The following VIPR2 variants were observed in gnomAD, a reference collection of about 807,000 sequenced individuals.
VIPR2 encodes the protein vasoactive intestinal polypeptide receptor 2.
VIPR2 carries 48 observed loss-of-function variants against 58.0 expected under a neutral mutation model. That is an observed-to-expected ratio of 0.83 (90% CI 0.66 to 1.05). The LOEUF (loss-of-function observed/expected upper bound fraction) is 1.05, where lower values mean the gene tolerates loss of function less well. VIPR2 is among the 50% of genes least tolerant of loss of function. The pLI, the probability that VIPR2 is intolerant of heterozygous loss-of-function variation, is 0.00. For missense variants in VIPR2, 534 were observed against 558.0 expected (o/e 0.96, Z 0.43); for synonymous variants, 243 against 235.2 (o/e 1.03, Z -0.30).
intron 2 of VIPR2, among the ~76,000 whole-genome samples, chr7:159,136,457 A>G (rs140468009): frequency 0.042 from 6,326 of 152,244 alleles, 469 homozygotes; most frequent in African/African-American, 0.14. Context: ...AAAACATGTG[A>G]GAGTCGAAGC....
chr7:159,134,981 T>C (rs1797142396), intron 2 of VIPR2, among the ~76,000 whole-genome samples: 1 of 150,332 alleles, frequency 6.7e-6, no homozygotes. Flanking sequence ...TTCTTGAATA[T>C]TGGTCTTCTC....
At chr7:159,135,907 G>C (rs1394914616) in intron 2 of VIPR2, among the ~76,000 whole-genome samples, 2 of 152,098 alleles carry the variant, frequency 1.3e-5, no homozygotes, top group African/African-American at 4.8e-5. Context: ...CCCACGACAC[G>C]AGGCAACCCT....
intron 5 of VIPR2, among the ~76,000 whole-genome samples, chr7:159,055,962 T>G (rs1161420630): frequency 6.6e-6 from 1 of 152,126 alleles, no homozygotes; most frequent in African/African-American, 2.4e-5. Context: ...TGGGAAAGGA[T>G]TTTGGAGGCC....
intron 2 of VIPR2, chr7:159,117,360 C>T (rs1169848718): frequency 2.8e-6 from 2 of 717,496 alleles, no homozygotes; most frequent in Admixed American, 4.0e-5. Context: ...GGTCCAGGAT[C>T]CTCTTTAAAC....
chr7:159,144,825 C>T lies in VIPR2; in HGVS notation c.-54G>A. 1 of 1,229,620 alleles carries T rather than the reference C, an allele frequency of 8.1e-7. No homozygotes were observed. The highest frequency in any genetic ancestry group is 1.0e-6 in the Non-Finnish European group (1 of 986,034). The allele number at this position is 1,229,620 out of a possible 1,614,324, so 76.2% of individuals were successfully genotyped here. On this transcript the variant is annotated 5_prime_UTR_variant, in exon 1 of 13. Coordinates refer to ENST00000262178, the MANE Select transcript of VIPR2 (RefSeq NM_003382.5). ...AGCGCCCGCCGCCTCCGTCCTAGGT[C>T]CCCGCGGTTCCGCCGCCTCCAGCAT... is the stretch of plus-strand genomic sequence containing the variant.
At chr7:159,075,743 C>T (rs1856605986) in intron 4 of VIPR2, among the ~76,000 whole-genome samples, 1 of 146,796 alleles carries the variant, frequency 6.8e-6, no homozygotes, top group Admixed American at 6.8e-5. Flanking sequence ...CACGGACCCA[C>T]TGCATCAGTG....
In VIPR2 at chr7:159,031,944, C is replaced by G. The variant is rs750433716; in HGVS notation, c.1095G>C (p.Ser365=). ...YQILFELCLG[S]FQGLVVAVLY... ...GCCGCCTCCGCACACCTACCTGGAA[C>G]GACCCGAGGCACAGCTCAAACAGTA... Residue 365 remains serine (S), a synonymous_variant, in exon 11 of 13, where the codon TCG becomes TCC. Coordinates refer to ENST00000262178, the MANE Select transcript of VIPR2 (RefSeq NM_003382.5). The surrounding 1 kb of genome is among the most constrained non-coding windows in gnomAD (Gnocchi z 4.0). 5 of 1,614,038 alleles carry G rather than the reference C, an allele frequency of 3.1e-6. No individual in the cohort carries two copies. In the East Asian group the frequency reaches 6.7e-5, roughly 22 times the overall value.
chr7:159,065,137 C>T (rs1398456370), intron 4 of VIPR2, among the ~76,000 whole-genome samples: 1 of 152,208 alleles, frequency 6.6e-6, no homozygotes, highest in Admixed American at 6.5e-5. Context: ...AAGGCTTGAT[C>T]CCTGGGGAGT....
intron 4 of VIPR2, among the ~76,000 whole-genome samples, chr7:159,087,990 T>A (rs1857279028): frequency 1.3e-5 from 2 of 152,250 alleles, no homozygotes; most frequent in South Asian, 4.1e-4. Flanking sequence ...CTCTCCCTGC[T>A]GCCCCCATAA....
chr7:159,046,766 C>T (rs921315968), intron 5 of VIPR2, among the ~76,000 whole-genome samples: 1 of 151,854 alleles, frequency 6.6e-6, no homozygotes, highest in Non-Finnish European at 1.5e-5. Context: ...GAAACAATTT[C>T]GATTCTTGCA....
chr7:159,100,171 C>T (rs1383452581), intron 4 of VIPR2, among the ~76,000 whole-genome samples: 1 of 152,182 alleles, frequency 6.6e-6, no homozygotes, highest in African/African-American at 2.4e-5. Context: ...CTGTCCCGAC[C>T]AGATGGCAAC....
At chr7:159,059,604 C>T (rs1855515879) in intron 4 of VIPR2, among the ~76,000 whole-genome samples, 1 of 152,148 alleles carries the variant, frequency 6.6e-6, no homozygotes, top group African/African-American at 2.4e-5. Flanking sequence ...TCTTGGGAAC[C>T]TCGGCCCTGC....
At chr7:159,034,671 A>G in intron 8 of VIPR2, 21 bp from the exon 9 acceptor site, 1 of 1,611,558 alleles carries the variant, frequency 6.2e-7, no homozygotes, top group Non-Finnish European at 8.5e-7. Context: ...GAGATGGGAA[A>G]TCAGGTTACC....
chr7:159,076,809 GT>G lies in VIPR2; in HGVS notation c.358-18232del, dbSNP rs199981241. On this transcript the variant is annotated intron_variant, in intron 4 of 12. Transcript: ENST00000262178. ...GGTGAGTAAGAATATCGTTGGTTTA[GT>G]TTTTTTAAAAAAAGAAAAGGATATA... Among the ~76,000 whole-genome samples, 3 of 152,036 alleles carry G rather than the reference GT, an allele frequency of 2.0e-5. No individual in the cohort carries two copies. The East Asian group carries it at 5.8e-4, about 29-fold the overall frequency.
At chr7:159,134,819 G>A (rs566950401) in intron 2 of VIPR2, among the ~76,000 whole-genome samples, 27 of 151,682 alleles carry the variant, frequency 1.8e-4, no homozygotes, top group East Asian at 1.6e-3. Flanking sequence ...CACCACGCCC[G>A]GCTAATTTTT....
At chr7:159,142,384 G>A (rs1797510309) in intron 2 of VIPR2, 62 bp downstream of exon 2, 1 of 1,258,142 alleles carries the variant, frequency 7.9e-7, no homozygotes, top group East Asian at 2.4e-5. Flanking sequence ...CCACAGCTGA[G>A]TGAGGCGCAT....
intron 6 of VIPR2, among the ~76,000 whole-genome samples, chr7:159,039,605 C>CCTTGCCACAGGGGTGGT (rs1563262022): frequency 1.8e-3 from 22 of 12,268 alleles, no homozygotes; most frequent in Admixed American, 0.017. Flanking sequence ...TAGTGGGTGG[C>CCTTGCCACAGGGGTGGT]GCTTTGCGAT....
intron 2 of VIPR2, among the ~76,000 whole-genome samples, chr7:159,125,290 A>G (rs1183774263): frequency 3.3e-5 from 5 of 152,222 alleles, no homozygotes; most frequent in Non-Finnish European, 7.3e-5. Context: ...AGTGACCCCT[A>G]CTTGCTGACC....
chr7:159,034,119 C>T (rs1853758876), intron 10 of VIPR2, 94 bp downstream of exon 10: 14 of 1,253,442 alleles, frequency 1.1e-5, no homozygotes, highest in South Asian at 5.2e-5. Flanking sequence ...GAGGCGGAGT[C>T]GCCGCACCTC....
Sources: gnomAD v4.1 joint callset for allele counts (sites outside exome capture counted in the v4.1 genomes callset) on GRCh38, gnomAD v4.1.1 for gene constraint, Gnocchi (gnomAD v3.1) non-coding constraint, MANE v1.5 for transcripts, NCBI Gene and HGNC (gene_info 2026-07-23, HGNC 2026-07-21) for gene names.